CLVS1: variants seen among roughly 807,000 people sequenced by gnomAD.
The protein encoded by CLVS1 is clavesin 1.
CLVS1 carries 10 observed loss-of-function variants against 33.1 expected under a neutral mutation model. That is an observed-to-expected ratio of 0.30 (90% CI 0.19 to 0.51). The LOEUF (loss-of-function observed/expected upper bound fraction) is 0.51, where lower values mean the gene tolerates loss of function less well. Ranked by LOEUF, CLVS1 falls within the 20% of genes least tolerant of loss-of-function variation. The pLI, the probability that CLVS1 is intolerant of heterozygous loss-of-function variation, is 0.97. For missense variants in CLVS1, 343 were observed against 433.4 expected (o/e 0.79, Z 1.85); for synonymous variants, 163 against 166.1 (o/e 0.98, Z 0.14).
At chr8:60,990,424 G>A in the CLVS1 span, among the ~76,000 whole-genome samples, 2 of 152,180 alleles carry the variant, frequency 1.3e-5, no homozygotes, top group Non-Finnish European at 2.9e-5. Context: ...AAAATGACAT[G>A]ATGTCTTGCA....
intron 1 of CLVS1, among the ~76,000 whole-genome samples, chr8:61,108,345 T>G (rs1322416581): frequency 6.6e-6 from 1 of 152,064 alleles, no homozygotes; most frequent in African/African-American, 2.4e-5. Context: ...TACAATGAAA[T>G]GAGTGATGTT....
intron 2 of CLVS1, among the ~76,000 whole-genome samples, chr8:61,143,021 T>G (rs925040746): frequency 1.3e-5 from 2 of 152,228 alleles, no homozygotes; most frequent in African/African-American, 4.8e-5. Context: ...TAAATTGTTT[T>G]CTCTTCAGCT....
chr8:61,120,728 G>A (rs1189533696), intron 1 of CLVS1, among the ~76,000 whole-genome samples: 82 of 140,772 alleles, frequency 5.8e-4, no homozygotes, highest in Admixed American at 1.1e-3. Context: ...CAGTCTGCCC[G>A]TTCTCAGATC....
chr8:61,092,076 G>C (rs140816387), intron 1 of CLVS1, among the ~76,000 whole-genome samples: 1 of 152,298 alleles, frequency 6.6e-6, no homozygotes, highest in Admixed American at 6.5e-5. Flanking sequence ...TTAATGTATG[G>C]ATGTGAATTA....
intron 2 of CLVS1, among the ~76,000 whole-genome samples, chr8:61,345,397 C>A (rs554822199): frequency 6.6e-6 from 1 of 152,118 alleles, no homozygotes; most frequent in East Asian, 1.9e-4. Context: ...AATCCCAATA[C>A]GACAAGTGCA....
intron 2 of CLVS1, among the ~76,000 whole-genome samples, chr8:61,232,648 A>T (rs1350882543): frequency 6.6e-6 from 1 of 152,198 alleles, no homozygotes; most frequent in Non-Finnish European, 1.5e-5. Flanking sequence ...TCTTCTTAAT[A>T]TATGGATATT....
rs9298050 is a variant in CLVS1, at chr8:61,229,944, A to G, written c.-151-69733A>G. ...CCCAGCTGAGCCAGGCACATTTCTA[A>G]CAGCCTTCACCTAGAGTACTCTTAT... is the stretch of plus-strand genomic sequence containing the variant. On this transcript the variant is annotated intron_variant, in intron 2 of 2. Coordinates refer to the CLVS1 transcript ENST00000522621. Among the ~76,000 whole-genome samples the G allele has an allele frequency of 5.1e-4, 78 of 152,128 alleles. 1 individual carries two copies. Among genetic ancestry groups the G allele is most frequent in the Non-Finnish European group, 8.1e-4 (55 of 67,994 alleles).
At chr8:61,088,870 C>T (rs1313612832) in intron 1 of CLVS1, among the ~76,000 whole-genome samples, 6 of 150,104 alleles carry the variant, frequency 4.0e-5, no homozygotes, top group East Asian at 2.0e-4. Flanking sequence ...GGAGAGATCT[C>T]GGCTCACTGC....
Position 61,215,682 on chromosome 8 carries a change from A to ATGTGTGTGTGTG in CLVS1, c.-152+83858_-152+83869dup, listed in dbSNP as rs72193127. ...CGGAATTATGGCCCTGAAATTGAAAATGTGTGTGTGTGTGTGTGTGTGTGT... is the reference window on the plus strand; with the variant it reads ...CGGAATTATGGCCCTGAAATTGAAAATGTGTGTGTGTGTGTGTGTGTGTGTGTGTGTGTGTGT... On this transcript the variant is annotated intron_variant, in intron 2 of 2. Coordinates refer to the CLVS1 transcript ENST00000522621. Among the ~76,000 whole-genome samples, 379 of 143,820 alleles carry ATGTGTGTGTGTG rather than the reference A, an allele frequency of 2.6e-3. 1 individual carries two copies. The highest frequency in any genetic ancestry group is 4.1e-3 in the South Asian group (18 of 4,368). The allele number at this position is 143,820 out of a possible 152,430, so 94.4% of individuals were successfully genotyped here.
the CLVS1 span, among the ~76,000 whole-genome samples, chr8:61,034,475 A>C: frequency 1.3e-5 from 2 of 151,990 alleles, no homozygotes; most frequent in African/African-American, 4.8e-5. Context: ...TATCTCAAAA[A>C]ACTCATTTCT....
At chr8:61,191,776 C>A (rs866769999) in intron 2 of CLVS1, among the ~76,000 whole-genome samples, 14 of 151,634 alleles carry the variant, frequency 9.2e-5, no homozygotes, top group Non-Finnish European at 1.5e-4. Flanking sequence ...CCCATTCACA[C>A]TTGCTTCAAA....
rs577912573 is a variant in CLVS1, at chr8:61,357,294, C to T, written c.456-19311C>T. 1.1e-4 allele frequency among the ~76,000 whole-genome samples: 17 copies of T among 152,006 alleles called. No individual in the cohort carries two copies. The South Asian group carries it at 1.7e-3, about 15-fold the overall frequency. The stretch of plus-strand genomic sequence containing the variant: ...ATGGAAATCATTTTTTTAAAGTCAA[C>T]GATCTATGGAACTTTCTTTCAGCTT... On this transcript the variant is annotated intron_variant, in intron 2 of 5. Transcript: ENST00000325897.
At chr8:61,281,339 G>T (rs1809667190) in intron 2 of CLVS1, among the ~76,000 whole-genome samples, 1 of 152,118 alleles carries the variant, frequency 6.6e-6, no homozygotes, top group Admixed American at 6.6e-5. Context: ...ATGATACTTG[G>T]AAATGGGGCC....
chr8:61,185,362 C>T (rs1179957768), intron 2 of CLVS1, among the ~76,000 whole-genome samples: 1 of 151,156 alleles, frequency 6.6e-6, no homozygotes, highest in Admixed American at 6.6e-5. Context: ...CCATGTTGCC[C>T]AGGCTGGTCT....
chr8:61,062,464 G>C (rs1479052942), intron 1 of CLVS1, among the ~76,000 whole-genome samples: 1 of 152,212 alleles, frequency 6.6e-6, no homozygotes, highest in East Asian at 1.9e-4. Context: ...TTTCTCTACA[G>C]TCAGTAGGAA....
At chr8:61,260,102 CATGTAACGTAGG>C (rs1019433507) in intron 2 of CLVS1, among the ~76,000 whole-genome samples, 43 of 152,228 alleles carry the variant, frequency 2.8e-4, no homozygotes, top group Admixed American at 3.3e-4. Context: ...CTCCCTCCGT[CATGTAACGTAGG>C]ATGGCAGTTA....
At chr8:61,404,483 A>G (rs1195350042) in intron 3 of CLVS1, among the ~76,000 whole-genome samples, 2 of 152,216 alleles carry the variant, frequency 1.3e-5, no homozygotes, top group Non-Finnish European at 1.5e-5. Context: ...ATCTTTGTCT[A>G]TAATGAATAG....
chr8:60,988,112 C>T, the CLVS1 span, among the ~76,000 whole-genome samples: 1 of 152,088 alleles, frequency 6.6e-6, no homozygotes, highest in Non-Finnish European at 1.5e-5. Context: ...TGGCTGTCCC[C>T]TCACTGAGAT....
intron 2 of CLVS1, among the ~76,000 whole-genome samples, chr8:61,339,919 G>T (rs953380165): frequency 3.5e-4 from 53 of 150,336 alleles, no homozygotes; most frequent in African/African-American, 1.2e-3. Context: ...GAAAGAAAGA[G>T]AGTGAAAGAA....
Sources: allele counts gnomAD v4.1 joint callset (sites outside exome capture counted in the v4.1 genomes callset), GRCh38; gene constraint gnomAD v4.1.1; transcripts MANE v1.5; gene names NCBI Gene and HGNC (gene_info 2026-07-23, HGNC 2026-07-21).